Variants in PMS2 observed in about 807,000 individuals in gnomAD.
PMS2 encodes PMS1 homolog 2, mismatch repair system component.
A neutral mutation model predicts 90.0 loss-of-function variants in PMS2; 69 were observed. That is an observed-to-expected ratio of 0.77 (90% CI 0.63 to 0.94). The LOEUF is 0.94. Ranked by LOEUF, PMS2 falls within the 40% of genes least tolerant of loss-of-function variation. The pLI, the probability that PMS2 is intolerant of heterozygous loss-of-function variation, is 0.00. For synonymous variants in PMS2, 332 were observed against 375.1 expected (o/e 0.89, Z 1.33); for missense variants, 966 against 1,040.2 (o/e 0.93, Z 0.98).
At chr7:5,996,588 A>ATAT (rs1554301127) in intron 7 of PMS2, among the ~76,000 whole-genome samples, 84 of 89,384 alleles carry the variant, frequency 9.4e-4, no homozygotes, top group African/African-American at 5.0e-3. Context: ...AAAAAAAAAA[A>ATAT]AAATATATAT....
chr7:5,993,862 C>CAAAAA (rs61677497), intron 8 of PMS2, among the ~76,000 whole-genome samples: 50 of 38,896 alleles, frequency 1.3e-3, no homozygotes, highest in East Asian at 3.0e-3. Flanking sequence ...GACTCTGTCT[C>CAAAAA]AAAAAAAAAA....
intron 8 of PMS2, among the ~76,000 whole-genome samples, chr7:5,993,510 G>A (rs1487829772): frequency 6.6e-6 from 1 of 151,306 alleles, no homozygotes; most frequent in African/African-American, 2.4e-5. Flanking sequence ...GAAGTAATCT[G>A]AGCCCTTATT....
chr7:6,009,034 A>C lies in PMS2; in HGVS notation c.-15T>G, dbSNP rs781549903. 6.2e-7 allele frequency: 1 copy of C among 1,612,428 alleles called. No homozygotes were observed. Among genetic ancestry groups the C allele is most frequent in the South Asian group, 1.1e-5 (1 of 91,018 alleles). On this transcript the variant is annotated 5_prime_UTR_variant, in exon 1 of 15. Transcript: ENST00000265849. Reference sequence around the variant, plus strand: ...GCTCGCTCCATGGATGCAACACCCGATCCGCCTCGGGGACTGGGAAAGTTC... The same window carrying C: ...GCTCGCTCCATGGATGCAACACCCGCTCCGCCTCGGGGACTGGGAAAGTTC...
chr7:6,005,544 C>G (rs892942780), intron 2 of PMS2, among the ~76,000 whole-genome samples: 4 of 152,158 alleles, frequency 2.6e-5, no homozygotes, highest in African/African-American at 9.7e-5. Flanking sequence ...ACCATGTTGG[C>G]CAGGTTGGTC....
intron 5 of PMS2, among the ~76,000 whole-genome samples, chr7:6,000,106 G>A (rs1268464784): frequency 6.6e-6 from 1 of 151,944 alleles, no homozygotes; most frequent in Non-Finnish European, 1.5e-5. Flanking sequence ...CAGGCATGAT[G>A]GTTCACACCT....
intron 8 of PMS2, among the ~76,000 whole-genome samples, chr7:5,995,242 G>T (rs1375059948): frequency 6.6e-6 from 1 of 151,910 alleles, no homozygotes; most frequent in Non-Finnish European, 1.5e-5. Flanking sequence ...TTGTCATGTT[G>T]GCCAGGCTGG....
chr7:6,005,159 C>T (rs1235802302), intron 2 of PMS2, among the ~76,000 whole-genome samples: 3 of 151,804 alleles, frequency 2.0e-5, no homozygotes, highest in Non-Finnish European at 1.5e-5. Flanking sequence ...CCCCCCTCAG[C>T]CTCCCAAAGT....
At position 5,973,089 on chromosome 7, in the gene PMS2, G is replaced by A. The variant is rs1310614112; in HGVS notation, c.*310C>T. 3.2e-5 allele frequency: 13 copies of A among 403,772 alleles called. 2 individuals are homozygous for A. Among genetic ancestry groups the A allele is most frequent in the South Asian group, 6.7e-5 (3 of 44,528 alleles). The allele number at this position is 403,772 out of a possible 1,614,324, so 25.0% of individuals were successfully genotyped here. ...AACTTCTGATCTCAGGTGATCCGCC[G>A]GCCTCGGCCTCCCAAAGTGCTGCGA... On this transcript the variant is annotated 3_prime_UTR_variant, in exon 15 of 15. Transcript: ENST00000265849.
Position 6,003,895 on chromosome 7 carries a change from C to A in PMS2, c.250+77G>T, listed in dbSNP as rs184425874. On this transcript the variant is annotated intron_variant, in intron 3 of 14. Transcript: ENST00000265849. ...GCTTTAAAAAACTGTTTTTGCATTT[C>A]CCAAGACAGTGTTACTCAAAATTCT... 8 of 1,269,596 alleles carry A rather than the reference C, an allele frequency of 6.3e-6. No homozygotes were observed. In the African/African-American group the frequency reaches 1.0e-4, roughly 16 times the overall value. 78.6% of individuals were successfully genotyped at this position (1,269,596 alleles called of 1,614,324 possible).
chr7:6,003,825 T>A (rs1785393940), intron 3 of PMS2, 33 bp from the exon 4 acceptor site: 2 of 1,413,914 alleles, frequency 1.4e-6, no homozygotes, highest in Non-Finnish European at 2.0e-6. Context: ...GACTAAGATA[T>A]CTCAAGTGCT....
chr7:5,986,916 G>A lies in PMS2; in HGVS notation c.1849C>T (p.Pro617Ser), dbSNP rs864622096. 1 of 1,614,098 alleles carries A rather than the reference G, an allele frequency of 6.2e-7. No homozygotes were observed. The highest frequency in any genetic ancestry group is 8.5e-7 in the Non-Finnish European group (1 of 1,180,014). ...VAVKINKKVVPLDFSMSSLAK... is the reference protein window; with the variant it reads ...VAVKINKKVVSLDFSMSSLAK... ...AAAGAACTCATAGAAAAGTCCAGGG[G>A]CACAACTTTCTTATTAATTTTCACA... The change falls in exon 11 of 15, where the codon CCC (proline) becomes TCC (serine). Residue 617 changes from proline to serine, a missense_variant. This residue lies in a region of PMS2 where 871 missense variants were observed against 802.4 expected (regional missense o/e 1.09). Coordinates refer to ENST00000265849, the MANE Select transcript of PMS2 (RefSeq NM_000535.7).
intron 5 of PMS2, chr7:6,002,245 G>A: frequency 1.9e-6 from 1 of 518,568 alleles, no homozygotes; most frequent in Non-Finnish European, 3.5e-6. Flanking sequence ...GTGTTGCCCA[G>A]TCCTAATAAA....
Position 6,008,991 on chromosome 7 carries a change from G to T in PMS2, c.23+6C>A, listed in dbSNP as rs779104357. ...GGGACACCGGAAGACTGCGAGCCCC[G>T]CTCACCTCGAGCTCTCAGCTCGCTC... On this transcript the variant is annotated splice_donor_region_variant and intron_variant, in intron 1 of 14. Coordinates refer to ENST00000265849, the MANE Select transcript of PMS2 (RefSeq NM_000535.7). 3.7e-6 allele frequency: 6 copies of T among 1,612,466 alleles called. No individual in the cohort carries two copies. In the East Asian group the frequency reaches 8.9e-5, roughly 24 times the overall value.
In PMS2 at chr7:5,997,112, G is replaced by A. The variant is rs113002315; in HGVS notation, c.803+214C>T. ...GCCTGTAATCCCAGCTACTCAGGAG[G>A]CTGAGGCAGGAGAATTGCTTGAACT... On this transcript the variant is annotated intron_variant, in intron 7 of 14. Coordinates refer to ENST00000265849, the MANE Select transcript of PMS2 (RefSeq NM_000535.7). Among the ~76,000 whole-genome samples, 681 of 152,010 alleles carry A rather than the reference G, an allele frequency of 4.5e-3. 7 individuals carry two copies. Among genetic ancestry groups the A allele is most frequent in the African/African-American group, 0.016 (657 of 41,444 alleles).
At chr7:5,992,655 T>G (rs894870437) in intron 8 of PMS2, among the ~76,000 whole-genome samples, 26 of 152,252 alleles carry the variant, frequency 1.7e-4, no homozygotes, top group Admixed American at 4.6e-4. Flanking sequence ...TACTGAGATA[T>G]GACTAACATG....
At chr7:5,976,930 CAGAG>C (rs1316851802) in intron 14 of PMS2, among the ~76,000 whole-genome samples, 1 of 125,288 alleles carries the variant, frequency 8.0e-6, no homozygotes, top group East Asian at 2.4e-4. Context: ...ACTTGGGAGA[CAGAG>C]AGAGGAGGAT....
At chr7:5,991,610 C>T (rs532895426) in intron 9 of PMS2, among the ~76,000 whole-genome samples, 8 of 151,510 alleles carry the variant, frequency 5.3e-5, no homozygotes, top group East Asian at 3.9e-4. Context: ...GAGGCCAAGA[C>T]GGGCAGATCA....
At chr7:5,990,855 AAC>A (rs980227209) in intron 9 of PMS2, among the ~76,000 whole-genome samples, 4 of 152,150 alleles carry the variant, frequency 2.6e-5, no homozygotes, top group Non-Finnish European at 5.9e-5. Flanking sequence ...CTCTACTAAA[AAC>A]ACAAAAAATT....
At chr7:5,994,028 C>A (rs1477685626) in intron 8 of PMS2, among the ~76,000 whole-genome samples, 1 of 151,804 alleles carries the variant, frequency 6.6e-6, no homozygotes, top group Non-Finnish European at 1.5e-5. Flanking sequence ...TGTATCTATA[C>A]ACACAACACA....
Sources: gnomAD v4.1 joint callset for allele counts (sites outside exome capture counted in the v4.1 genomes callset) on GRCh38, gnomAD v4.1.1 for gene constraint, gnomAD v4.1.1 regional missense constraint, MANE v1.5 for transcripts, NCBI Gene and HGNC (gene_info 2026-07-23, HGNC 2026-07-21) for gene names.